Variants in CERS6 observed in about 807,000 individuals in gnomAD.
CERS6 encodes the protein LAG1 homolog, ceramide synthase 6.
CERS6 carries 26 observed loss-of-function variants against 56.8 expected under a neutral mutation model. The ratio of observed to expected loss-of-function variants is 0.46; its 90% CI spans 0.34 to 0.63. CERS6 has a LOEUF of 0.63. CERS6 is among the 30% of genes least tolerant of loss of function. The pLI is 0.01. For synonymous variants in CERS6, 164 were observed against 173.3 expected, an observed-to-expected ratio of 0.95 and a Z score of 0.42; for missense variants, 415 against 467.5, an observed-to-expected ratio of 0.89 and a Z score of 1.04.
chr2:168,565,367 T>C (rs1477335726), intron 3 of CERS6, among the ~76,000 whole-genome samples: 1 of 152,120 alleles, frequency 6.6e-6, no homozygotes, highest in Non-Finnish European at 1.5e-5. Flanking sequence ...ATGTATATCA[T>C]GGAAAAAAAT....
chr2:168,460,981 CGA>C (rs145858084), intron 1 of CERS6, among the ~76,000 whole-genome samples: 8,717 of 150,032 alleles, frequency 0.058, 346 homozygotes, highest in East Asian at 0.18. Context: ...GTTGAGAGAG[CGA>C]GAGAGAGAGA....
intron 1 of CERS6, among the ~76,000 whole-genome samples, chr2:168,475,833 G>A (rs1574007688): frequency 6.6e-6 from 1 of 152,152 alleles, no homozygotes; most frequent in African/African-American, 2.4e-5. Context: ...TAGTGTTTGT[G>A]TTCTGTGGGT....
intron 6 of CERS6, among the ~76,000 whole-genome samples, chr2:168,700,000 A>G (rs561179559): frequency 4.6e-5 from 7 of 152,360 alleles, no homozygotes; most frequent in African/African-American, 1.2e-4. Flanking sequence ...CCTTTGGCCA[A>G]TGAGTTCTGC....
chr2:168,684,232 T>C (rs1198591347), intron 4 of CERS6, among the ~76,000 whole-genome samples: 1 of 152,166 alleles, frequency 6.6e-6, no homozygotes, highest in Admixed American at 6.5e-5. Flanking sequence ...CTAATGCAGA[T>C]GCCACAGGCC....
At chr2:168,552,454 A>G (rs992171958) in intron 2 of CERS6, among the ~76,000 whole-genome samples, 2 of 152,152 alleles carry the variant, frequency 1.3e-5, no homozygotes, top group Non-Finnish European at 1.5e-5. Context: ...TTATTTGGCA[A>G]ATTAGGAGAT....
At chr2:168,699,213 G>A (rs1686743852) in intron 6 of CERS6, among the ~76,000 whole-genome samples, 1 of 152,130 alleles carries the variant, frequency 6.6e-6, no homozygotes, top group African/African-American at 2.4e-5. Flanking sequence ...GGCACATTCT[G>A]TCTGCCAGAT....
chr2:168,598,518 T>A (rs1320641961), intron 3 of CERS6, among the ~76,000 whole-genome samples: 2 of 152,074 alleles, frequency 1.3e-5, no homozygotes, highest in African/African-American at 4.8e-5. Flanking sequence ...TTTACTGGAA[T>A]ATGGGAAATT....
At chr2:168,703,919 GA>G (rs779062564) in intron 6 of CERS6, among the ~76,000 whole-genome samples, 75 of 152,152 alleles carry the variant, frequency 4.9e-4, no homozygotes, top group Non-Finnish European at 9.4e-4. Flanking sequence ...TATAAGCAGG[GA>G]AAAAGAGCAG....
At chr2:168,713,757 C>T (rs561672549) in intron 6 of CERS6, among the ~76,000 whole-genome samples, 1 of 152,064 alleles carries the variant, frequency 6.6e-6, no homozygotes, top group Admixed American at 6.5e-5. Context: ...TATGTACCCC[C>T]CTGAATCTAA....
At chr2:168,707,816 A>G (rs568191091) in intron 6 of CERS6, among the ~76,000 whole-genome samples, 1 of 152,220 alleles carries the variant, frequency 6.6e-6, no homozygotes, top group East Asian at 1.9e-4. Flanking sequence ...GACCCTACAC[A>G]ATTTTTTAGT....
At chr2:168,682,008 C>A (rs1161337287) in intron 4 of CERS6, among the ~76,000 whole-genome samples, 1 of 152,160 alleles carries the variant, frequency 6.6e-6, no homozygotes, top group Non-Finnish European at 1.5e-5. Flanking sequence ...ATTGTGTATA[C>A]ATACCATTTT....
intron 4 of CERS6, chr2:168,644,104 A>G (rs1176493824): frequency 1.0e-6 from 1 of 985,186 alleles, no homozygotes; most frequent in East Asian, 1.1e-4. Flanking sequence ...TTACAGGCTA[A>G]TAGGAGATAT....
chr2:168,622,818 C>G (rs1462837062), intron 3 of CERS6, among the ~76,000 whole-genome samples: 2 of 152,198 alleles, frequency 1.3e-5, no homozygotes, highest in Non-Finnish European at 2.9e-5. Context: ...GAACTCAAGT[C>G]TGCATAACCT....
At chr2:168,677,968 G>A (rs1686107778) in intron 4 of CERS6, among the ~76,000 whole-genome samples, 1 of 152,206 alleles carries the variant, frequency 6.6e-6, no homozygotes, top group Non-Finnish European at 1.5e-5. Context: ...GGTCGTCAGA[G>A]AAATGCTAAT....
At chr2:168,544,677 C>T (rs1037069899) in intron 1 of CERS6, among the ~76,000 whole-genome samples, 2 of 152,096 alleles carry the variant, frequency 1.3e-5, no homozygotes, top group Non-Finnish European at 2.9e-5. Context: ...TGGACCGGCA[C>T]CAGGCCTGGG....
At chr2:168,570,976 A>T (rs886567850) in intron 3 of CERS6, among the ~76,000 whole-genome samples, 1 of 152,144 alleles carries the variant, frequency 6.6e-6, no homozygotes, top group African/African-American at 2.4e-5. Context: ...AAAGTTATTT[A>T]ATATCTTACA....
At chr2:168,644,364 A>G (rs1685121735) in intron 4 of CERS6, 3 of 985,122 alleles carry the variant, frequency 3.0e-6, no homozygotes, top group Non-Finnish European at 3.6e-6. Context: ...GGGATGGGGA[A>G]GAGAGGAGGC....
chr2:168,514,893 G>A (rs1405308804), intron 1 of CERS6, among the ~76,000 whole-genome samples: 1 of 152,104 alleles, frequency 6.6e-6, no homozygotes, highest in Admixed American at 6.5e-5. Flanking sequence ...AGTTCACTCG[G>A]CCAGCATAAC....
intron 1 of CERS6, among the ~76,000 whole-genome samples, chr2:168,504,412 T>G (rs995968219): frequency 2.0e-5 from 3 of 150,050 alleles, no homozygotes; most frequent in Admixed American, 6.6e-5. Context: ...TGTAACAGGG[T>G]AGAGTTGTGG....
Sources: allele counts gnomAD v4.1 joint callset (sites outside exome capture counted in the v4.1 genomes callset), GRCh38; gene constraint gnomAD v4.1.1; transcripts MANE v1.5; gene names NCBI Gene and HGNC (gene_info 2026-07-23, HGNC 2026-07-21).